Variants in KRTAP5-9 observed in about 807,000 individuals in gnomAD.
KRTAP5-9 encodes the protein keratin associated protein 5-9.
A neutral mutation model predicts 3.0 loss-of-function variants in KRTAP5-9; 2 were observed. The observed-to-expected ratio is 0.67, with a 90% CI of 0.27 to 2.09. The LOEUF is 2.09. Among genes scored for constraint, KRTAP5-9 ranks in the 30% most tolerant of loss-of-function variants. The pLI, the probability that KRTAP5-9 is intolerant of heterozygous loss-of-function variation, is 0.14. For missense variants in KRTAP5-9, 183 were observed against 204.2 expected (o/e 0.90, Z 0.63); for synonymous variants, 70 against 81.2 (o/e 0.86, Z 0.74).
chr11:71,548,481 C>T lies in KRTAP5-9; in HGVS notation c.-177C>T. 2.3e-6 allele frequency: 3 copies of T among 1,311,072 alleles called. No individual in the cohort carries two copies. Among genetic ancestry groups the T allele is most frequent in the Non-Finnish European group, 3.1e-6 (3 of 954,426 alleles). 81.2% of individuals were successfully genotyped at this position (1,311,072 alleles called of 1,614,324 possible). The stretch of plus-strand genomic sequence containing the variant: ...CATACTTGGATCCAGAAAATATCAA[C>T]ATAGCCAAAGAAAAACAATCAAGAC... On this transcript the variant is annotated 5_prime_UTR_variant, in exon 1 of 1. Transcript: ENST00000528743.
In KRTAP5-9 at chr11:71,548,766, G is replaced by A. The variant is rs185257151; in HGVS notation, c.109G>A (p.Ala37Thr). Residue 37 changes from alanine to threonine, a missense_variant, in exon 1 of 1, where the codon GCA (alanine) becomes ACA (threonine). Ala to Thr is a moderately conservative substitution (Grantham distance 58). Transcript: ENST00000528743. Reference protein sequence around the residue: ...GCRGCGPSCCAPVYCCKPVCC... With the variant: ...GCRGCGPSCCTPVYCCKPVCC... ...CAGGGGCTGTGGCCCCAGCTGCTGTGCACCCGTCTACTGCTGCAAGCCCGT... is the reference window on the plus strand; with the variant it reads ...CAGGGGCTGTGGCCCCAGCTGCTGTACACCCGTCTACTGCTGCAAGCCCGT... 430 of 1,613,068 alleles carry A rather than the reference G, an allele frequency of 2.7e-4. 2 individuals carry two copies. In the African/African-American group the frequency reaches 5.2e-3, roughly 19 times the overall value.
rs543172155 is a variant in KRTAP5-9, at chr11:71,549,068, C to T, written c.411C>T (p.Ser137=). 2 of 1,603,090 alleles carry T rather than the reference C, an allele frequency of 1.2e-6. No homozygotes were observed. The highest frequency in any genetic ancestry group is 3.4e-5 in the Admixed American group (2 of 59,448). ...GCTGCTGCAAGCCCTGCTGCTCATC[C>T]TCAGGCTGTGGGTCATCCTGCTGCC... ...QSSCCKPCCS[S]SGCGSSCCQS... The change falls in exon 1 of 1, where the codon TCC becomes TCT. Residue 137 remains serine, a synonymous_variant. Coordinates refer to ENST00000528743, the MANE Select transcript of KRTAP5-9 (RefSeq NM_005553.4).
chr11:71,548,605 C>T lies in KRTAP5-9; in HGVS notation c.-53C>T, dbSNP rs1005148367. The T allele has an allele frequency of 3.8e-6, 6 of 1,581,388 alleles. No individual in the cohort carries two copies. The highest frequency in any genetic ancestry group is 4.5e-5 in the East Asian group (2 of 44,780). On this transcript the variant is annotated 5_prime_UTR_variant, in exon 1 of 1. Coordinates refer to ENST00000528743, the MANE Select transcript of KRTAP5-9 (RefSeq NM_005553.4). ...CGGGGCTCAGGGGGCTCCACACCTG[C>T]ACCTCCTTCTCACCTGCTCCTCTAC...
At position 71,548,502 on chromosome 11, in the gene KRTAP5-9, A is replaced by G; in HGVS notation, c.-156A>G. On this transcript the variant is annotated 5_prime_UTR_variant, in exon 1 of 1. Coordinates refer to ENST00000528743, the MANE Select transcript of KRTAP5-9 (RefSeq NM_005553.4). ...TCAACATAGCCAAAGAAAAACAATCAAGACATACCTCCAGGAGCTGTGTAA... is the reference window on the plus strand; with the variant it reads ...TCAACATAGCCAAAGAAAAACAATCGAGACATACCTCCAGGAGCTGTGTAA... The G allele has an allele frequency of 7.1e-7, 1 of 1,416,858 alleles. No individual in the cohort carries two copies. Among genetic ancestry groups the G allele is most frequent in the Non-Finnish European group, 9.5e-7 (1 of 1,047,784 alleles). 87.8% of individuals were successfully genotyped at this position (1,416,858 alleles called of 1,614,324 possible).
chr11:71,549,342 C>A lies in KRTAP5-9; in HGVS notation c.*175C>A. Reference sequence around the variant, plus strand: ...CCTGCCCATTCCCTATAAGAATATCCCAAGACCCAGGCAATTTTGCCCCTC... The same window carrying A: ...CCTGCCCATTCCCTATAAGAATATCACAAGACCCAGGCAATTTTGCCCCTC... On this transcript the variant is annotated 3_prime_UTR_variant, in exon 1 of 1. Coordinates refer to ENST00000528743, the MANE Select transcript of KRTAP5-9 (RefSeq NM_005553.4). 1 of 1,019,794 alleles carries A rather than the reference C, an allele frequency of 9.8e-7. No individual in the cohort carries two copies. The highest frequency in any genetic ancestry group is 1.4e-6 in the Non-Finnish European group (1 of 703,926). The allele number at this position is 1,019,794 out of a possible 1,614,324, so 63.2% of individuals were successfully genotyped here. A position where few individuals can be genotyped will look rare whatever the true frequency, so the allele number is the denominator to read the frequency against.
At position 71,548,714 on chromosome 11, in the gene KRTAP5-9, C is replaced by T; in HGVS notation, c.57C>T (p.Ser19=). Residue 19 remains serine (S), a synonymous_variant, in exon 1 of 1, where the codon TCC becomes TCT. Coordinates refer to ENST00000528743, the MANE Select transcript of KRTAP5-9 (RefSeq NM_005553.4). Reference sequence around the variant, plus strand: ...GCTCCAGCTGTGGAGGCTGTGACTCCAGCTGTGGGAGCTGTGGCTCTGGCT... The same window carrying T: ...GCTCCAGCTGTGGAGGCTGTGACTCTAGCTGTGGGAGCTGTGGCTCTGGCT... ...GCGSSCGGCD[S]SCGSCGSGCR... is the part of the protein sequence containing the mutation. The T allele has an allele frequency of 6.2e-7, 1 of 1,612,962 alleles. No individual in the cohort carries two copies. The highest frequency in any genetic ancestry group is 8.5e-7 in the Non-Finnish European group (1 of 1,179,968).
chr11:71,548,874 G>A lies in KRTAP5-9; in HGVS notation c.217G>A (p.Gly73Ser), dbSNP rs1950109108. 1 of 1,614,074 alleles carries A rather than the reference G, an allele frequency of 6.2e-7. No homozygotes were observed. Among genetic ancestry groups the A allele is most frequent in the South Asian group, 1.1e-5 (1 of 91,082 alleles). The stretch of plus-strand genomic sequence containing the variant: ...CTGTGGGGGCTCCAAGGGAGGCTGT[G>A]GTTCTTGTGGCTGCTCCCAGTGCAG... The part of the protein sequence containing the change: ...GSCGGSKGGC[G>S]SCGCSQCSCC... Residue 73 changes from glycine to serine, a missense_variant, in exon 1 of 1, where the codon GGT (glycine) becomes AGT (serine). Gly to Ser is a moderately conservative substitution (Grantham distance 56, BLOSUM62 0). Coordinates refer to ENST00000528743, the MANE Select transcript of KRTAP5-9 (RefSeq NM_005553.4).
Position 71,549,136 on chromosome 11 carries a change from G to C in KRTAP5-9, c.479G>C (p.Cys160Ser), listed in dbSNP as rs778994147. 9.3e-6 allele frequency: 15 copies of C among 1,613,904 alleles called. No individual in the cohort carries two copies. Among genetic ancestry groups the C allele is most frequent in the Non-Finnish European group, 1.3e-5 (15 of 1,179,984 alleles). ...CKPCCSQSRC[C>S]VPVCYQCKI Reference sequence around the variant, plus strand: ...CCCTGCTGCTCCCAGTCCAGATGCTGTGTCCCTGTGTGCTACCAGTGCAAG... The same window carrying C: ...CCCTGCTGCTCCCAGTCCAGATGCTCTGTCCCTGTGTGCTACCAGTGCAAG... The change falls in exon 1 of 1, where the codon TGT becomes TCT. Residue 160 changes from cysteine to serine, a missense_variant. Physicochemically the swap from Cys to Ser is moderately radical, Grantham distance 112. Transcript: ENST00000528743.
chr11:71,549,354 C>A lies in KRTAP5-9; in HGVS notation c.*187C>A. 1 of 921,550 alleles carries A rather than the reference C, an allele frequency of 1.1e-6. No individual in the cohort carries two copies. The highest frequency in any genetic ancestry group is 1.6e-6 in the Non-Finnish European group (1 of 616,418). 57.1% of individuals were successfully genotyped at this position (921,550 alleles called of 1,614,324 possible). A position where few individuals can be genotyped will look rare whatever the true frequency, so the allele number is the denominator to read the frequency against. On this transcript the variant is annotated 3_prime_UTR_variant, in exon 1 of 1. Transcript: ENST00000528743. The stretch of plus-strand genomic sequence containing the variant: ...CTATAAGAATATCCCAAGACCCAGG[C>A]AATTTTGCCCCTCTTTCCCACATGC...
chr11:71,548,948 C>A lies in KRTAP5-9; in HGVS notation c.291C>A (p.Cys97Ter). The change falls in exon 1 of 1, where the codon TGC becomes TGA. Residue 97 changes from cysteine (C) to a stop codon, truncating the protein, a stop_gained. Transcript: ENST00000528743. LOFTEE classifies it low-confidence loss of function (END_TRUNC). Reference protein sequence around the residue: ...CCSSGCGSSCCQCSCCKPYCS... With the variant: ...CCSSGCGSSC ...CTTCAGGCTGTGGGTCATCCTGCTG[C>A]CAGTGCAGCTGCTGCAAGCCCTACT... 6.2e-7 allele frequency: 1 copy of A among 1,603,836 alleles called. No homozygotes were observed. The highest frequency in any genetic ancestry group is 8.5e-7 in the Non-Finnish European group (1 of 1,175,834).
Position 71,548,486 on chromosome 11 carries a change from C to A in KRTAP5-9, c.-172C>A. ...TTGGATCCAGAAAATATCAACATAGCCAAAGAAAAACAATCAAGACATACC... is the reference window on the plus strand; with the variant it reads ...TTGGATCCAGAAAATATCAACATAGACAAAGAAAAACAATCAAGACATACC... On this transcript the variant is annotated 5_prime_UTR_variant, in exon 1 of 1. Transcript: ENST00000528743. 1 of 1,341,490 alleles carries A rather than the reference C, an allele frequency of 7.5e-7. No individual in the cohort carries two copies. The highest frequency in any genetic ancestry group is 1.0e-6 in the Non-Finnish European group (1 of 981,358). 83.1% of individuals were successfully genotyped at this position (1,341,490 alleles called of 1,614,324 possible).
Position 71,549,282 on chromosome 11 carries a change from T to G in KRTAP5-9, c.*115T>G. 1 of 1,423,692 alleles carries G rather than the reference T, an allele frequency of 7.0e-7. No individual in the cohort carries two copies. Among genetic ancestry groups the G allele is most frequent in the Non-Finnish European group, 9.7e-7 (1 of 1,032,576 alleles). 88.2% of individuals were successfully genotyped at this position (1,423,692 alleles called of 1,614,324 possible). A position where few individuals can be genotyped will look rare whatever the true frequency, so the allele number is the denominator to read the frequency against. On this transcript the variant is annotated 3_prime_UTR_variant, in exon 1 of 1. Coordinates refer to ENST00000528743, the MANE Select transcript of KRTAP5-9 (RefSeq NM_005553.4). ...AAAGAGCCCTTGGCTCAGGGCGTCT[T>G]TTTCCAGCCCCTGAGGAAATGGAAT... is the stretch of plus-strand genomic sequence containing the variant.
rs1950111878 is a variant in KRTAP5-9 at position 71,549,276 on chromosome 11, G to A, written c.*109G>A. ...ATCTGAAAAGAGCCCTTGGCTCAGG[G>A]CGTCTTTTTCCAGCCCCTGAGGAAA... On this transcript the variant is annotated 3_prime_UTR_variant, in exon 1 of 1. Coordinates refer to ENST00000528743, the MANE Select transcript of KRTAP5-9 (RefSeq NM_005553.4). 2.0e-6 allele frequency: 3 copies of A among 1,493,658 alleles called. No homozygotes were observed. The highest frequency in any genetic ancestry group is 1.3e-5 in the South Asian group (1 of 79,724). The allele number at this position is 1,493,658 out of a possible 1,614,324, so 92.5% of individuals were successfully genotyped here.
chr11:71,549,204 C>T lies in KRTAP5-9; in HGVS notation c.*37C>T. 6.2e-7 allele frequency: 1 copy of T among 1,612,564 alleles called. No homozygotes were observed. Among genetic ancestry groups the T allele is most frequent in the South Asian group, 1.1e-5 (1 of 91,014 alleles). On this transcript the variant is annotated 3_prime_UTR_variant, in exon 1 of 1. Transcript: ENST00000528743. ...GAAACCTCAGGTAGCTCCTGAAGAT[C>T]TGTGCTTTCCAACAAGTGACTACCC... is the stretch of plus-strand genomic sequence containing the variant.
At position 71,548,817 on chromosome 11, in the gene KRTAP5-9, T is replaced by C; in HGVS notation, c.160T>C (p.Cys54Arg). The change falls in exon 1 of 1, where the codon TGC becomes CGC. Residue 54 changes from cysteine to arginine, a missense_variant. Coordinates refer to ENST00000528743, the MANE Select transcript of KRTAP5-9 (RefSeq NM_005553.4). ...GTGCTGCTGTGTTCCAGCCTGTTCC[T>C]GCTCTAGCTGTGGCAAGCGGGGCTG... ...PVCCCVPACS[C>R]SSCGKRGCGS... 1 of 1,614,008 alleles carries C rather than the reference T, an allele frequency of 6.2e-7. No individual in the cohort carries two copies. Among genetic ancestry groups the C allele is most frequent in the East Asian group, 2.2e-5 (1 of 44,878 alleles).
chr11:71,548,473 A>G lies in KRTAP5-9; in HGVS notation c.-185A>G. 1 of 1,271,200 alleles carries G rather than the reference A, an allele frequency of 7.9e-7. No individual in the cohort carries two copies. The allele number at this position is 1,271,200 out of a possible 1,614,324, so 78.7% of individuals were successfully genotyped here. A position where few individuals can be genotyped will look rare whatever the true frequency, so the allele number is the denominator to read the frequency against. ...GAAGGGCTCATACTTGGATCCAGAA[A>G]ATATCAACATAGCCAAAGAAAAACA... On this transcript the variant is annotated 5_prime_UTR_variant, in exon 1 of 1. Coordinates refer to ENST00000528743, the MANE Select transcript of KRTAP5-9 (RefSeq NM_005553.4).
At position 71,548,587 on chromosome 11, in the gene KRTAP5-9, C is replaced by T. The variant is rs1950106899; in HGVS notation, c.-71C>T. 1.3e-6 allele frequency: 2 copies of T among 1,568,066 alleles called. No homozygotes were observed. Among genetic ancestry groups the T allele is most frequent in the Non-Finnish European group, 1.7e-6 (2 of 1,161,344 alleles). On this transcript the variant is annotated 5_prime_UTR_variant, in exon 1 of 1. Transcript: ENST00000528743. Reference sequence around the variant, plus strand: ...ATGTGGGATATAAAGAGCCGGGGCTCAGGGGGCTCCACACCTGCACCTCCT... The same window carrying T: ...ATGTGGGATATAAAGAGCCGGGGCTTAGGGGGCTCCACACCTGCACCTCCT...
rs1222270107 is a variant in KRTAP5-9, at chr11:71,549,227, C to T, written c.*60C>T. On this transcript the variant is annotated 3_prime_UTR_variant, in exon 1 of 1. Transcript: ENST00000528743. Reference sequence around the variant, plus strand: ...ATCTGTGCTTTCCAACAAGTGACTACCCTTGAAGCACATCCCCTTCTGGAT... The same window carrying T: ...ATCTGTGCTTTCCAACAAGTGACTATCCTTGAAGCACATCCCCTTCTGGAT... 1.2e-6 allele frequency: 2 copies of T among 1,604,188 alleles called. No homozygotes were observed. The highest frequency in any genetic ancestry group is 4.5e-5 in the East Asian group (2 of 44,772).
rs1565622395 is a variant in KRTAP5-9 at position 71,549,154 on chromosome 11, A to C, written c.497A>C (p.Gln166Pro). The change falls in exon 1 of 1, where the codon CAG (glutamine) becomes CCG (proline). Residue 166 changes from glutamine to proline, a missense_variant. By Grantham distance (76) the Gln-to-Pro change is moderately conservative (BLOSUM62 -1). Coordinates refer to ENST00000528743, the MANE Select transcript of KRTAP5-9 (RefSeq NM_005553.4). ...QSRCCVPVCY[Q>P]CKI The stretch of plus-strand genomic sequence containing the variant: ...AGATGCTGTGTCCCTGTGTGCTACC[A>C]GTGCAAGATCTGAGGCTCTAGTGGG... 1 of 1,614,206 alleles carries C rather than the reference A, an allele frequency of 6.2e-7. No homozygotes were observed.
Sources: gnomAD v4.1 joint callset for allele counts on GRCh38, gnomAD v4.1.1 for gene constraint, MANE v1.5 for transcripts, NCBI Gene and HGNC (gene_info 2026-07-23, HGNC 2026-07-21) for gene names.